ZNF277: variants seen among roughly 807,000 people sequenced by gnomAD.
The protein encoded by ZNF277 is zinc finger protein 277.
In ZNF277, 55 loss-of-function variants were observed where a neutral mutation model predicts 60.7. That is an observed-to-expected ratio of 0.91 (90% CI 0.73 to 1.13). The LOEUF (loss-of-function observed/expected upper bound fraction) is 1.13, where lower values mean the gene tolerates loss of function less well. ZNF277 is among the 50% of genes most tolerant of loss of function. The pLI, the probability that ZNF277 is intolerant of heterozygous loss-of-function variation, is 0.00. For synonymous variants in ZNF277, 178 were observed against 179.3 expected, an observed-to-expected ratio of 0.99 and a Z score of 0.06; for missense variants, 510 against 523.0, an observed-to-expected ratio of 0.98 and a Z score of 0.24.
intron 4 of ZNF277, among the ~76,000 whole-genome samples, chr7:112,296,643 C>T (rs552724052): frequency 6.6e-6 from 1 of 151,646 alleles, no homozygotes; most frequent in East Asian, 1.9e-4. Context: ...ATGCCCTCAG[C>T]TAAAATTGAG....
intron 4 of ZNF277, among the ~76,000 whole-genome samples, chr7:112,299,311 A>C (rs1792421669): frequency 6.6e-6 from 1 of 152,194 alleles, no homozygotes; most frequent in Admixed American, 6.5e-5. Context: ...TAAATGAAAC[A>C]AAAGTAACAG....
chr7:112,261,707 A>G (rs1388679279), intron 1 of ZNF277, among the ~76,000 whole-genome samples: 2 of 152,238 alleles, frequency 1.3e-5, no homozygotes, highest in East Asian at 1.9e-4. Context: ...GAATTTATTC[A>G]TAATCTTGTC....
chr7:112,311,067 C>G (rs1033914524), intron 4 of ZNF277, among the ~76,000 whole-genome samples: 2 of 151,984 alleles, frequency 1.3e-5, no homozygotes, highest in African/African-American at 4.8e-5. Flanking sequence ...AAATTCTTAC[C>G]TAAATAAACA....
At chr7:112,231,507 G>T (rs1822328168) in intron 1 of ZNF277, among the ~76,000 whole-genome samples, 1 of 152,208 alleles carries the variant, frequency 6.6e-6, no homozygotes, top group East Asian at 1.9e-4. Flanking sequence ...CATGTTTTAT[G>T]AGTAGCTCCA....
At chr7:112,286,774 G>C in intron 1 of ZNF277, 99 bp from the exon 2 acceptor site, 1 of 985,608 alleles carries the variant, frequency 1.0e-6, no homozygotes, top group African/African-American at 1.7e-5. Context: ...AATATCTTTA[G>C]GATCTTTTTA....
At chr7:112,270,890 T>A (rs1237906227) in intron 1 of ZNF277, among the ~76,000 whole-genome samples, 2 of 151,528 alleles carry the variant, frequency 1.3e-5, no homozygotes, top group Non-Finnish European at 2.9e-5. Flanking sequence ...CAGCTGGGAG[T>A]AGCAAAAAAT....
chr7:112,276,780 C>G (rs2117046142), intron 1 of ZNF277, among the ~76,000 whole-genome samples: 1 of 152,186 alleles, frequency 6.6e-6, no homozygotes, highest in South Asian at 2.1e-4. Flanking sequence ...ACTGTGATAA[C>G]CAGATATTAA....
chr7:112,249,870 G>A (rs931269042), intron 1 of ZNF277, among the ~76,000 whole-genome samples: 8 of 151,966 alleles, frequency 5.3e-5, no homozygotes, highest in East Asian at 3.9e-4. Context: ...GATGTATATC[G>A]CCTCAGGACC....
intron 1 of ZNF277, among the ~76,000 whole-genome samples, chr7:112,211,443 C>T (rs1821747267): frequency 6.6e-6 from 1 of 152,200 alleles, no homozygotes. Context: ...ATCTCCCATG[C>T]CCCAGAAAGT....
chr7:112,317,273 A>T lies in ZNF277; in HGVS notation c.466-909A>T, dbSNP rs551700678. 4.5e-4 allele frequency among the ~76,000 whole-genome samples: 68 copies of T among 152,224 alleles called. 2 individuals carry two copies. In the South Asian group the frequency reaches 0.014, roughly 31 times the overall value. ...TGTCACTATGTAACAAACCTGCATG[A>T]TCTGCACATGTATCCCAGAACTTAA... On this transcript the variant is annotated intron_variant, in intron 4 of 11. Transcript: ENST00000361822.
intron 2 of ZNF277, among the ~76,000 whole-genome samples, chr7:112,290,991 C>A (rs977108002): frequency 2.0e-5 from 3 of 152,110 alleles, no homozygotes; most frequent in African/African-American, 7.2e-5. Context: ...AAGAGATGGA[C>A]TTACCTTGTG....
At chr7:112,333,249 G>T (rs540183723) in intron 7 of ZNF277, among the ~76,000 whole-genome samples, 8 of 152,116 alleles carry the variant, frequency 5.3e-5, no homozygotes, top group Non-Finnish European at 1.0e-4. Context: ...TGTTATATTA[G>T]TAGTGGGTTT....
chr7:112,280,171 G>T (rs146248075), intron 1 of ZNF277, among the ~76,000 whole-genome samples: 1 of 152,112 alleles, frequency 6.6e-6, no homozygotes, highest in African/African-American at 2.4e-5. Context: ...TGTCAATTAT[G>T]CTCATGGCAA....
chr7:112,340,494 C>T (rs534106731), intron 10 of ZNF277, among the ~76,000 whole-genome samples: 1 of 152,306 alleles, frequency 6.6e-6, no homozygotes, highest in Non-Finnish European at 1.5e-5. Flanking sequence ...GGATGTGTTA[C>T]TTTGCTGCTT....
At chr7:112,221,296 A>T (rs1248171528) in intron 1 of ZNF277, among the ~76,000 whole-genome samples, 1 of 152,080 alleles carries the variant, frequency 6.6e-6, no homozygotes, top group East Asian at 1.9e-4. Context: ...GTGGCCTAAG[A>T]TTCCATTCCT....
chr7:112,243,966 C>CCATAAAAAA (rs879759066), intron 1 of ZNF277, among the ~76,000 whole-genome samples: 7 of 152,000 alleles, frequency 4.6e-5, no homozygotes, highest in Non-Finnish European at 8.8e-5. Context: ...CACTACTCAG[C>CCATAAAAAA]CATAAAAAAG....
At chr7:112,239,180 A>G (rs2116990497) in intron 1 of ZNF277, among the ~76,000 whole-genome samples, 1 of 152,242 alleles carries the variant, frequency 6.6e-6, no homozygotes, top group South Asian at 2.1e-4. Context: ...GGAAGAGTAA[A>G]AAGACTTTCT....
intron 2 of ZNF277, 25 bp downstream of exon 2, chr7:112,287,099 A>C: frequency 6.2e-7 from 1 of 1,611,718 alleles, no homozygotes; most frequent in Non-Finnish European, 8.5e-7. Context: ...TGTCCTTAAA[A>C]GAATTAAATT....
At chr7:112,314,577 TG>T (rs1296336164) in intron 4 of ZNF277, among the ~76,000 whole-genome samples, 2 of 152,048 alleles carry the variant, frequency 1.3e-5, no homozygotes, top group African/African-American at 2.4e-5. Context: ...GAGGATCACT[TG>T]ACCGCAGGAG....
Sources: allele counts gnomAD v4.1 joint callset (sites outside exome capture counted in the v4.1 genomes callset), GRCh38; gene constraint gnomAD v4.1.1; transcripts MANE v1.5; gene names NCBI Gene and HGNC (gene_info 2026-07-23, HGNC 2026-07-21).